The following PHTF2 variants were observed in gnomAD, a reference collection of about 807,000 sequenced individuals.
The protein encoded by PHTF2 is putative homeodomain transcription factor 2.
Under a neutral mutation model 101.2 loss-of-function variants are expected in PHTF2, and 60 were observed. The ratio of observed to expected loss-of-function variants is 0.59; its 90% confidence interval spans 0.48 to 0.73. The LOEUF is 0.73. Ranked by LOEUF, PHTF2 falls within the 30% of genes least tolerant of loss-of-function variation. The pLI is 0.00. For missense variants in PHTF2, 747 were observed against 908.7 expected (o/e 0.82, Z 2.29); for synonymous variants, 311 against 307.3 (o/e 1.01, Z -0.13).
chr7:77,885,898 G>T (rs1799801173), intron 3 of PHTF2, among the ~76,000 whole-genome samples: 1 of 152,142 alleles, frequency 6.6e-6, no homozygotes, highest in Admixed American at 6.5e-5. Flanking sequence ...TAGTGTTTGT[G>T]AGAATTAATA....
chr7:77,893,131 G>A (rs1800581439), intron 3 of PHTF2, among the ~76,000 whole-genome samples: 1 of 152,148 alleles, frequency 6.6e-6, no homozygotes, highest in Non-Finnish European at 1.5e-5. Context: ...AGGGATACAT[G>A]TCCAGGTTTG....
At chr7:77,843,653 A>G (rs190214721) in intron 2 of PHTF2, among the ~76,000 whole-genome samples, 105 of 152,356 alleles carry the variant, frequency 6.9e-4, no homozygotes, top group African/African-American at 2.3e-3. Context: ...ATTTAACCAC[A>G]GGTGAATAAC....
At chr7:77,954,608 C>CCG (rs1806820454) in intron 19 of PHTF2, among the ~76,000 whole-genome samples, 1 of 99,876 alleles carries the variant, frequency 1.0e-5, no homozygotes, top group African/African-American at 4.2e-5. Context: ...TAAACAAGTA[C>CCG]TGTGTATATA....
intron 3 of PHTF2, among the ~76,000 whole-genome samples, chr7:77,856,260 A>C (rs1303648458): frequency 1.3e-5 from 2 of 152,232 alleles, no homozygotes; most frequent in Non-Finnish European, 2.9e-5. Flanking sequence ...TTGTCAATAA[A>C]TATGAAGTAC....
chr7:77,912,464 CACTTATCA>C lies in PHTF2; in HGVS notation c.776+2067_776+2074del, dbSNP rs1242636403. On this transcript the variant is annotated intron_variant, in intron 9 of 19. Coordinates refer to ENST00000416283, the Ensembl canonical transcript of PHTF2. ...TTAAACTAAGCACTTATCAACTAAGCACTTATCAACTTATCAACTAAGACTTAACAAAA... is the reference window on the plus strand; with the variant it reads ...TTAAACTAAGCACTTATCAACTAAGCACTTATCAACTAAGACTTAACAAAA... Among the ~76,000 whole-genome samples the C allele has an allele frequency of 3.3e-5, 5 of 152,062 alleles. No homozygotes were observed. The East Asian group carries it at 5.8e-4, about 18-fold the overall frequency.
chr7:77,949,219 A>G (rs1443953057), intron 16 of PHTF2, among the ~76,000 whole-genome samples: 2 of 152,142 alleles, frequency 1.3e-5, no homozygotes, highest in African/African-American at 4.8e-5. Flanking sequence ...ATAATGTAAC[A>G]TTTATATAAA....
intron 1 of PHTF2, among the ~76,000 whole-genome samples, chr7:77,813,554 T>C (rs1793613186): frequency 6.6e-6 from 1 of 152,144 alleles, no homozygotes; most frequent in African/African-American, 2.4e-5. Context: ...AAGAGAAAGG[T>C]ACTGTATTTA....
intron 5 of PHTF2, among the ~76,000 whole-genome samples, chr7:77,896,183 A>C (rs962670216): frequency 1.3e-5 from 2 of 152,182 alleles, no homozygotes; most frequent in African/African-American, 4.8e-5. Context: ...CATGGGGTAC[A>C]TGTGCAATTT....
intron 16 of PHTF2, among the ~76,000 whole-genome samples, chr7:77,947,833 C>CTTTATTTTTTTTTTTTTTTTTTTTTTTTT (rs1428512079): frequency 2.3e-5 from 1 of 43,212 alleles, no homozygotes; most frequent in Non-Finnish European, 4.5e-5. Context: ...TTTCTTTTTT[C>CTTTATTTTTTTTTTTTTTTTTTTTTTTTT]TTTCTTTTTT....
chr7:77,935,704 A>G (rs1007632150), intron 12 of PHTF2, among the ~76,000 whole-genome samples: 3 of 152,110 alleles, frequency 2.0e-5, no homozygotes, highest in Non-Finnish European at 4.4e-5. Context: ...CTGTCTCTAG[A>G]TGGGCTTTCT....
At chr7:77,829,331 A>G (rs1483673134) in intron 1 of PHTF2, among the ~76,000 whole-genome samples, 1 of 152,206 alleles carries the variant, frequency 6.6e-6, no homozygotes, top group Non-Finnish European at 1.5e-5. Flanking sequence ...TACACAGACT[A>G]TGCATTGGTT....
In PHTF2 at chr7:77,824,259, G is replaced by T. The variant is rs1271715796; in HGVS notation, c.-35-15962G>T. Among the ~76,000 whole-genome samples, 436 of 138,456 alleles carry T rather than the reference G, an allele frequency of 3.1e-3. 1 individual carries two copies. The highest frequency in any genetic ancestry group is 8.4e-3 in the African/African-American group (320 of 38,036). The allele number at this position is 138,456 out of a possible 152,430, so 90.8% of individuals were successfully genotyped here. On this transcript the variant is annotated intron_variant, in intron 1 of 19. Transcript: ENST00000416283. ...GAGGAGGGAAAATACATCCTGGTTTGTTTTTTTTTTTTTTCTTGGAGGTAG... is the reference window on the plus strand; with the variant it reads ...GAGGAGGGAAAATACATCCTGGTTTTTTTTTTTTTTTTTTCTTGGAGGTAG...
exon 20 of PHTF2, chr7:77,957,335 A>G (rs1251463719): frequency 6.6e-6 from 1 of 152,132 alleles, no homozygotes; most frequent in Non-Finnish European, 1.5e-5. Context: ...AATTTTTTAT[A>G]ACTTTCCAAC....
At chr7:77,920,218 A>G (rs542929682) in intron 9 of PHTF2, 61 bp from the exon 9 acceptor site, 5 of 835,332 alleles carry the variant, frequency 6.0e-6, no homozygotes, top group South Asian at 5.3e-5. Context: ...TATAATTTCT[A>G]TCAGTAACCT....
chr7:77,944,622 A>G (rs984029976), intron 16 of PHTF2, among the ~76,000 whole-genome samples: 1 of 152,160 alleles, frequency 6.6e-6, no homozygotes, highest in Non-Finnish European at 1.5e-5. Context: ...CCACAGATAA[A>G]GCTCCTTCCG....
At chr7:77,891,187 G>A (rs915640600) in intron 3 of PHTF2, among the ~76,000 whole-genome samples, 1 of 152,102 alleles carries the variant, frequency 6.6e-6, no homozygotes, top group Admixed American at 6.5e-5. Flanking sequence ...AGGATTACAG[G>A]CATGAGCCAC....
intron 1 of PHTF2, among the ~76,000 whole-genome samples, chr7:77,820,617 A>T (rs1291357900): frequency 6.6e-6 from 1 of 151,998 alleles, no homozygotes; most frequent in East Asian, 1.9e-4. Context: ...GAATCAAGTG[A>T]TCCTTCCTCC....
intron 3 of PHTF2, among the ~76,000 whole-genome samples, chr7:77,855,041 CT>C (rs935239462): frequency 1.3e-5 from 2 of 152,228 alleles, no homozygotes; most frequent in Non-Finnish European, 2.9e-5. Context: ...AGGAATCACT[CT>C]TTGTAGCCAT....
chr7:77,843,398 C>G (rs1395263841), intron 2 of PHTF2, among the ~76,000 whole-genome samples: 1 of 151,950 alleles, frequency 6.6e-6, no homozygotes, highest in African/African-American at 2.4e-5. Context: ...TTTTTCCTTT[C>G]TTGGAACTGA....
Sources: gnomAD v4.1 joint callset for allele counts (sites outside exome capture counted in the v4.1 genomes callset) on GRCh38, gnomAD v4.1.1 for gene constraint, MANE v1.5 for transcripts, NCBI Gene and HGNC (gene_info 2026-07-23, HGNC 2026-07-21) for gene names.